Variants in ARCN1 observed in about 807,000 individuals in gnomAD.
ARCN1 encodes archain 1 coat protein complex I subunit delta, also known as coatomer subunit delta.
ARCN1 carries 5 observed loss-of-function variants against 60.4 expected under a neutral mutation model. That is an observed-to-expected ratio of 0.08 (90% CI 0.04 to 0.17). The LOEUF (loss-of-function observed/expected upper bound fraction) is 0.17, where lower values mean the gene tolerates loss of function less well. Ranked by LOEUF, ARCN1 falls within the 10% of genes least tolerant of loss-of-function variation. The pLI is 1.00. For synonymous variants in ARCN1, 224 were observed against 220.0 expected, an observed-to-expected ratio of 1.02 and a Z score of -0.16; for missense variants, 464 against 626.5, an observed-to-expected ratio of 0.74 and a Z score of 2.77.
intron 5 of ARCN1, among the ~76,000 whole-genome samples, chr11:118,589,129 A>G (rs2135548104): frequency 6.6e-6 from 1 of 152,354 alleles, no homozygotes; most frequent in Admixed American, 6.5e-5. Context: ...TAAAATAAGC[A>G]CTGAAGTATT....
chr11:118,596,215 A>G (rs781815771), intron 8 of ARCN1, among the ~76,000 whole-genome samples: 1 of 152,210 alleles, frequency 6.6e-6, no homozygotes, highest in Non-Finnish European at 1.5e-5. Context: ...ATGGGTAACC[A>G]TCTTATCCTC....
chr11:118,601,670 T>C lies in ARCN1; in HGVS notation c.*956T>C, dbSNP rs1159169528. 4.3e-6 allele frequency: 3 copies of C among 702,904 alleles called. No individual in the cohort carries two copies. Among genetic ancestry groups the C allele is most frequent in the Non-Finnish European group, 7.8e-6 (3 of 384,998 alleles). 43.5% of individuals were successfully genotyped at this position (702,904 alleles called of 1,614,324 possible). ...TCTTCTGTTCTTTTCCCGTATCAATTCATTCCTTCATCTCTTTGCCAAGTT... is the reference window on the plus strand; with the variant it reads ...TCTTCTGTTCTTTTCCCGTATCAATCCATTCCTTCATCTCTTTGCCAAGTT... On this transcript the variant is annotated 3_prime_UTR_variant, in exon 10 of 10. Transcript: ENST00000264028.
intron 9 of ARCN1, among the ~76,000 whole-genome samples, chr11:118,600,051 T>C (rs1279098130): frequency 6.6e-6 from 1 of 152,228 alleles, no homozygotes; most frequent in African/African-American, 2.4e-5. Context: ...CAAAACTTCA[T>C]TAGAAAATAC....
At position 118,590,562 on chromosome 11, in the gene ARCN1, T is replaced by G. The variant is rs375542903; in HGVS notation, c.984+56T>G. On this transcript the variant is annotated intron_variant, in intron 6 of 9. Transcript: ENST00000264028. ...ACACTTTGTCTACCTATTATAGTCT[T>G]TCTCAACTAGAGTTCCCAATATGAA... The G allele has an allele frequency of 7.1e-5, 111 of 1,563,238 alleles. 1 individual carries two copies. In the East Asian group the frequency reaches 1.7e-3, roughly 23 times the overall value.
intron 1 of ARCN1, among the ~76,000 whole-genome samples, chr11:118,578,500 A>G (rs1161670917): frequency 1.3e-5 from 2 of 152,138 alleles, no homozygotes; most frequent in African/African-American, 4.8e-5. Context: ...ATAAAATTCT[A>G]ACATAGAGGA....
At chr11:118,579,635 C>T (rs1938606282) in intron 1 of ARCN1, among the ~76,000 whole-genome samples, 1 of 150,586 alleles carries the variant, frequency 6.6e-6, no homozygotes. Context: ...TTTCAGTGAG[C>T]GGAGATCTTG....
chr11:118,573,051 T>A, intron 1 of ARCN1: 1 of 161,144 alleles, frequency 6.2e-6, no homozygotes, highest in African/African-American at 2.4e-5. Context: ...GAAATTTTTC[T>A]TTTTGTTCAG....
intron 2 of ARCN1, among the ~76,000 whole-genome samples, chr11:118,581,758 C>A (rs1938654713): frequency 6.6e-6 from 1 of 152,162 alleles, no homozygotes; most frequent in Non-Finnish European, 1.5e-5. Flanking sequence ...TTCTAATCTG[C>A]CGTTCTAGTT....
chr11:118,574,061 T>A (rs1178804329), intron 1 of ARCN1, among the ~76,000 whole-genome samples: 1 of 152,232 alleles, frequency 6.6e-6, no homozygotes, highest in African/African-American at 2.4e-5. Context: ...TATTTTTAAT[T>A]CATTGATAAC....
rs541438912 is a variant in ARCN1, at chr11:118,572,829, G to A, written c.3+279G>A. On this transcript the variant is annotated intron_variant, in intron 1 of 9. Coordinates refer to ENST00000264028, the MANE Select transcript of ARCN1 (RefSeq NM_001655.5). ...GGACCTGCCCCTGAGACGGCCCGGCGTTTTTGCTCTGCGAGAACTTCGTGG... is the reference window on the plus strand; with the variant it reads ...GGACCTGCCCCTGAGACGGCCCGGCATTTTTGCTCTGCGAGAACTTCGTGG... The A allele has an allele frequency of 1.9e-5, 8 of 429,368 alleles. No homozygotes were observed. In the South Asian group the frequency reaches 3.4e-4, roughly 18 times the overall value. The allele number at this position is 429,368 out of a possible 1,614,324, so 26.6% of individuals were successfully genotyped here. A position where few individuals can be genotyped will look rare whatever the true frequency, so the allele number is the denominator to read the frequency against.
rs1413736651 is a variant in ARCN1, at chr11:118,589,698, G to A, written c.819-643G>A. Among the ~76,000 whole-genome samples, 18 of 152,368 alleles carry A rather than the reference G, an allele frequency of 1.2e-4. No individual in the cohort carries two copies. In the East Asian group the frequency reaches 3.1e-3, roughly 26 times the overall value. ...GGCCTCCCAAAGTGCTGGGATTACA[G>A]GCGTGAGCCACCACGCCCGTGAATA... is the stretch of plus-strand genomic sequence containing the variant. On this transcript the variant is annotated intron_variant, in intron 5 of 9. Coordinates refer to ENST00000264028, the MANE Select transcript of ARCN1 (RefSeq NM_001655.5).
chr11:118,600,543 AT>A (rs1939125453), intron 9 of ARCN1, 81 bp from the exon 10 acceptor site: 1 of 875,866 alleles, frequency 1.1e-6, no homozygotes, highest in Non-Finnish European at 1.8e-6. Flanking sequence ...AGGGAAATTG[AT>A]ATGTTCTGTA....
At chr11:118,600,106 T>C (rs1555077882) in intron 9 of ARCN1, among the ~76,000 whole-genome samples, 2 of 152,226 alleles carry the variant, frequency 1.3e-5, no homozygotes, top group African/African-American at 4.8e-5. Context: ...ATAGGTACCA[T>C]TGTTACATGT....
chr11:118,600,825 TGATACAATGCAC>T lies in ARCN1; in HGVS notation c.*115_*126del. On this transcript the variant is annotated 3_prime_UTR_variant, in exon 10 of 10. Coordinates refer to ENST00000264028, the MANE Select transcript of ARCN1 (RefSeq NM_001655.5). Reference sequence around the variant, plus strand: ...CAAGCCACTGGAGACCCCTTTTTTCTGATACAATGCACGATTCTCTGCGCGCAAGGACCCTCG... The same window carrying T: ...CAAGCCACTGGAGACCCCTTTTTTCTGATTCTCTGCGCGCAAGGACCCTCG... 1 of 716,270 alleles carries T rather than the reference TGATACAATGCAC, an allele frequency of 1.4e-6. No individual in the cohort carries two copies. Among genetic ancestry groups the T allele is most frequent in the South Asian group, 1.7e-5 (1 of 57,764 alleles). 44.4% of individuals were successfully genotyped at this position (716,270 alleles called of 1,614,324 possible).
intron 2 of ARCN1, among the ~76,000 whole-genome samples, chr11:118,582,656 G>C (rs1452428877): frequency 6.6e-6 from 1 of 151,368 alleles, no homozygotes; most frequent in East Asian, 2.0e-4. Flanking sequence ...AACCCAGGAG[G>C]TGGGGGTTGC....
intron 8 of ARCN1, among the ~76,000 whole-genome samples, chr11:118,597,479 C>A (rs1465651316): frequency 1.3e-5 from 2 of 152,184 alleles, no homozygotes; most frequent in African/African-American, 4.8e-5. Flanking sequence ...CTGCCAAATA[C>A]CTATTTTTGC....
In ARCN1 at chr11:118,590,621, T is replaced by G. The variant is rs1938883525; in HGVS notation, c.984+115T>G. The G allele has an allele frequency of 7.3e-6, 8 of 1,100,986 alleles. No homozygotes were observed. In the South Asian group the frequency reaches 1.1e-4, roughly 15 times the overall value. 68.2% of individuals were successfully genotyped at this position (1,100,986 alleles called of 1,614,324 possible). On this transcript the variant is annotated intron_variant, in intron 6 of 9. Transcript: ENST00000264028. ...AATTACTTAAGTTATATAACTAGCA[T>G]CACTCTAAACGCTTAGGAAAGAAGT...
intron 1 of ARCN1, among the ~76,000 whole-genome samples, chr11:118,579,366 A>T (rs1310627882): frequency 1.3e-5 from 2 of 152,014 alleles, no homozygotes. Flanking sequence ...CCAATTGTAT[A>T]AACTTTTTAA....
intron 1 of ARCN1, among the ~76,000 whole-genome samples, chr11:118,579,915 G>C (rs1555074320): frequency 1.3e-5 from 2 of 152,132 alleles, no homozygotes; most frequent in African/African-American, 2.4e-5. Context: ...GAATCCATGT[G>C]TGATATATTG....
Sources: allele counts gnomAD v4.1 joint callset (sites outside exome capture counted in the v4.1 genomes callset), GRCh38; gene constraint gnomAD v4.1.1; transcripts MANE v1.5; gene names NCBI Gene and HGNC (gene_info 2026-07-23, HGNC 2026-07-21).